The following PKP4 variants were observed in gnomAD, a reference collection of about 807,000 sequenced individuals.
PKP4 encodes the protein plakophilin-4.
A neutral mutation model predicts 145.1 loss-of-function variants in PKP4; 90 were observed. That is an observed-to-expected ratio of 0.62 (90% CI 0.52 to 0.74). PKP4 has a LOEUF of 0.74. Among genes scored for constraint, PKP4 ranks in the 30% least tolerant of loss-of-function variants. PKP4 has a pLI of 0.00. For missense variants in PKP4, 1,340 were observed against 1,482.7 expected (o/e 0.90, Z 1.58); for synonymous variants, 563 against 577.2 (o/e 0.98, Z 0.35).
Position 158,666,493 on chromosome 2 carries a change from T to C in PKP4, c.2658T>C (p.Asp886=), listed in dbSNP as rs1427793127. The change falls in exon 16 of 22, where the codon GAT becomes GAC. Residue 886 remains aspartate, a synonymous_variant. Transcript: ENST00000389759. The part of the protein sequence containing the change: ...ILVELLRMDN[D]RVVSSVATAL... ...TGGAGCTTCTGAGAATGGATAACGA[T>C]AGAGTTGTTTCTTCCGTGGCAACAG... 5 of 1,613,578 alleles carry C rather than the reference T, an allele frequency of 3.1e-6. No homozygotes were observed. The highest frequency in any genetic ancestry group is 4.2e-6 in the Non-Finnish European group (5 of 1,179,804).
chr2:158,676,238 A>C (rs1308862232), intron 19 of PKP4, among the ~76,000 whole-genome samples: 1 of 152,218 alleles, frequency 6.6e-6, no homozygotes, highest in African/African-American at 2.4e-5. Context: ...AGAGATGTGG[A>C]TATTTTGGAA....
chr2:158,471,305 G>T (rs914288041), intron 1 of PKP4, among the ~76,000 whole-genome samples: 1 of 152,220 alleles, frequency 6.6e-6, no homozygotes, highest in African/African-American at 2.4e-5. Flanking sequence ...TGTTTCATCA[G>T]TGTAGATGCT....
At chr2:158,498,487 A>G (rs1342642348) in intron 1 of PKP4, among the ~76,000 whole-genome samples, 1 of 152,242 alleles carries the variant, frequency 6.6e-6, no homozygotes, top group Non-Finnish European at 1.5e-5. Flanking sequence ...TCAGTTTTAC[A>G]TAGTTTTCCA....
intron 11 of PKP4, among the ~76,000 whole-genome samples, chr2:158,651,428 C>G (rs2055352365): frequency 1.2e-5 from 1 of 86,920 alleles, no homozygotes; most frequent in Non-Finnish European, 2.9e-5. Context: ...CCCTCCTAGC[C>G]CATTGGCCTC....
chr2:158,640,434 T>G (rs1378528855), intron 9 of PKP4, among the ~76,000 whole-genome samples, 193 bp from the exon 10 acceptor site: 1 of 152,244 alleles, frequency 6.6e-6, no homozygotes, highest in Non-Finnish European at 1.5e-5. Flanking sequence ...CATGATTTCC[T>G]TAAGATCATA....
intron 1 of PKP4, among the ~76,000 whole-genome samples, chr2:158,517,553 A>G (rs930569236): frequency 1.3e-5 from 2 of 152,166 alleles, no homozygotes; most frequent in African/African-American, 2.4e-5. Context: ...CACCTGGTTT[A>G]TAGTGTGGTT....
At chr2:158,518,467 C>T (rs1355364101) in intron 1 of PKP4, among the ~76,000 whole-genome samples, 1 of 152,178 alleles carries the variant, frequency 6.6e-6, no homozygotes, top group African/African-American at 2.4e-5. Flanking sequence ...TTGCAGTCAC[C>T]TGGAGTTACT....
At position 158,625,035 on chromosome 2, in the gene PKP4, G is replaced by T; in HGVS notation, c.761G>T (p.Arg254Leu). The T allele has an allele frequency of 6.2e-7, 1 of 1,614,110 alleles. No homozygotes were observed. Among genetic ancestry groups the T allele is most frequent in the South Asian group, 1.1e-5 (1 of 91,082 alleles). ...GFGSPSVTDPRPLNPSAYSST... is the reference protein window; with the variant it reads ...GFGSPSVTDPLPLNPSAYSST... ...GGCTCTCCGTCAGTGACCGACCCCC[G>T]ACCTCTGAACCCCAGTGCATATTCC... The change falls in exon 7 of 22, where the codon CGA (arginine) becomes CTA (leucine). Residue 254 changes from arginine (R) to leucine (L), a missense_variant. Physicochemically the swap from Arg to Leu is moderately radical, Grantham distance 102 (BLOSUM62 -2). Coordinates refer to ENST00000389759, the MANE Select transcript of PKP4 (RefSeq NM_003628.6).
At chr2:158,633,717 T>C (rs1207200959) in intron 8 of PKP4, among the ~76,000 whole-genome samples, 1 of 152,218 alleles carries the variant, frequency 6.6e-6, no homozygotes, top group Non-Finnish European at 1.5e-5. Flanking sequence ...TGAATAAATA[T>C]CTTGTTTTTA....
intron 15 of PKP4, chr2:158,666,188 T>A (rs952411667): frequency 3.0e-6 from 1 of 328,770 alleles, no homozygotes; most frequent in African/African-American, 2.1e-5. Flanking sequence ...AGATGGTGGT[T>A]TGAGATTTTC....
intron 1 of PKP4, among the ~76,000 whole-genome samples, chr2:158,508,492 A>G (rs1024449170): frequency 6.6e-6 from 1 of 152,170 alleles, no homozygotes; most frequent in Non-Finnish European, 1.5e-5. Context: ...ATAGTTTATA[A>G]TTGACATATA....
At chr2:158,506,809 G>A (rs974027931) in intron 1 of PKP4, among the ~76,000 whole-genome samples, 11 of 152,264 alleles carry the variant, frequency 7.2e-5, no homozygotes, top group South Asian at 2.1e-4. Flanking sequence ...ACTTTTACCC[G>A]ATTCCCTCAG....
At chr2:158,545,073 CTTTTTTTTTTTTTTTTTT>C (rs386391605) in intron 2 of PKP4, among the ~76,000 whole-genome samples, 1 of 72,510 alleles carries the variant, frequency 1.4e-5, no homozygotes, top group Non-Finnish European at 2.4e-5. Flanking sequence ...AAGTCTTTCA[CTTTTTTTTTTTTTTTTTT>C]TTTTTTTTGA....
rs578164852 is a variant in PKP4, at chr2:158,632,046, T to C, written c.1342+105T>C. 10 of 1,027,314 alleles carry C rather than the reference T, an allele frequency of 9.7e-6. No homozygotes were observed. In the East Asian group the frequency reaches 1.5e-4, roughly 15 times the overall value. The allele number at this position is 1,027,314 out of a possible 1,614,324, so 63.6% of individuals were successfully genotyped here. On this transcript the variant is annotated intron_variant, in intron 8 of 21. Coordinates refer to ENST00000389759, the MANE Select transcript of PKP4 (RefSeq NM_003628.6). Reference sequence around the variant, plus strand: ...GTTAGAAGGAAATCATGTTGCCCATTTGGTTGTCAGATAAGCAGCTGTGAC... The same window carrying C: ...GTTAGAAGGAAATCATGTTGCCCATCTGGTTGTCAGATAAGCAGCTGTGAC...
At position 158,640,737 on chromosome 2, in the gene PKP4, G is replaced by A. The variant is rs2054208118; in HGVS notation, c.1673G>A (p.Gly558Asp). The change falls in exon 10 of 22, where the codon GGT becomes GAT. Residue 558 changes from glycine to aspartate, a missense_variant. Transcript: ENST00000389759. ...AAAYLQHLCF[G>D]DNKVKMEVCR... The stretch of plus-strand genomic sequence containing the variant: ...GCCTACCTGCAGCACCTGTGCTTTG[G>A]TGACAACAAAGTGAAGATGGAGGTA... The A allele has an allele frequency of 6.2e-7, 1 of 1,614,124 alleles. No individual in the cohort carries two copies. Among genetic ancestry groups the A allele is most frequent in the Non-Finnish European group, 8.5e-7 (1 of 1,179,994 alleles).
At chr2:158,667,041 G>A (rs544468052) in intron 16 of PKP4, among the ~76,000 whole-genome samples, 2 of 48,400 alleles carry the variant, frequency 4.1e-5, no homozygotes, top group East Asian at 1.1e-3. Context: ...TTTCCACCCT[G>A]GGCAGGGGCA....
intron 4 of PKP4, among the ~76,000 whole-genome samples, chr2:158,619,796 G>A (rs150017550): frequency 3.3e-5 from 5 of 152,166 alleles, no homozygotes; most frequent in Admixed American, 6.5e-5. Flanking sequence ...GTCTGTCCTC[G>A]TGGAGCTTAT....
rs577326339 is a variant in PKP4, at chr2:158,502,841, G to T, written c.-5-30339G>T. Among the ~76,000 whole-genome samples the T allele has an allele frequency of 2.0e-4, 30 of 152,298 alleles. 1 individual carries two copies. The South Asian group carries it at 5.2e-3, about 26-fold the overall frequency. On this transcript the variant is annotated intron_variant, in intron 1 of 21. Transcript: ENST00000389759. ...GTTAGAGATGGTTTTTGTAAGAATA[G>T]AAGTATACATTCATAAAAGCAAAGA...
intron 4 of PKP4, among the ~76,000 whole-genome samples, chr2:158,612,235 G>C (rs1399211814): frequency 6.6e-6 from 1 of 152,004 alleles, no homozygotes; most frequent in Non-Finnish European, 1.5e-5. Flanking sequence ...GTTTGTTTTG[G>C]TTTAACACAA....
Sources: gnomAD v4.1 joint callset for allele counts (sites outside exome capture counted in the v4.1 genomes callset) on GRCh38, gnomAD v4.1.1 for gene constraint, MANE v1.5 for transcripts, NCBI Gene and HGNC (gene_info 2026-07-23, HGNC 2026-07-21) for gene names.